The following AOAH variants were observed in gnomAD, a reference collection of about 807,000 sequenced individuals.
AOAH encodes the protein acyloxyacyl hydrolase, also known as acyloxyacyl hydrolase (neutrophil).
A neutral mutation model predicts 92.2 loss-of-function variants in AOAH; 64 were observed. That is an observed-to-expected ratio of 0.69 (90% confidence interval 0.57 to 0.86). The LOEUF is 0.86. Among genes scored for constraint, AOAH ranks in the 40% least tolerant of loss-of-function variants. AOAH has a pLI of 0.00. For missense variants in AOAH, 656 were observed against 694.6 expected, an observed-to-expected ratio of 0.94 and a Z score of 0.62; for synonymous variants, 263 against 254.5, an observed-to-expected ratio of 1.03 and a Z score of -0.32.
Position 36,659,258 on chromosome 7 carries a change from C to T in AOAH, c.298G>A (p.Ala100Thr), listed in dbSNP as rs760821326. Residue 100 changes from alanine (A) to threonine (T), a missense_variant, in exon 4 of 21, where the codon GCA becomes ACA. Physicochemically the swap from Ala to Thr is moderately conservative, Grantham distance 58. Transcript: ENST00000617537. ...FGSDIIKLLS[A>T]DMNADVVCHT... ...CATACCACATCAGCATTCATATCTGCGCTAAGCCTGGAGGGAAACGGTGCA... is the reference window on the plus strand; with the variant it reads ...CATACCACATCAGCATTCATATCTGTGCTAAGCCTGGAGGGAAACGGTGCA... The T allele has an allele frequency of 5.6e-6, 9 of 1,613,850 alleles. No individual in the cohort carries two copies. The highest frequency in any genetic ancestry group is 6.8e-6 in the Non-Finnish European group (8 of 1,179,758).
At chr7:36,528,122 G>T (rs1359900257) in intron 19 of AOAH, among the ~76,000 whole-genome samples, 1 of 150,330 alleles carries the variant, frequency 6.7e-6, no homozygotes, top group African/African-American at 2.5e-5. Flanking sequence ...CTTCCCTAGT[G>T]GGGTGCCCAC....
chr7:36,681,990 A>G (rs1455295102), intron 2 of AOAH, among the ~76,000 whole-genome samples: 1 of 152,238 alleles, frequency 6.6e-6, no homozygotes, highest in East Asian at 1.9e-4. Context: ...GAAGCAATGG[A>G]TGACAGATAA....
chr7:36,679,006 AAG>A (rs1439629638), intron 2 of AOAH, among the ~76,000 whole-genome samples: 2 of 152,210 alleles, frequency 1.3e-5, no homozygotes, highest in Non-Finnish European at 2.9e-5. Context: ...TACAGATTAA[AAG>A]AGACTTGGAA....
At chr7:36,710,063 G>A (rs1235032155) in intron 1 of AOAH, among the ~76,000 whole-genome samples, 1 of 152,114 alleles carries the variant, frequency 6.6e-6, no homozygotes, top group East Asian at 1.9e-4. Flanking sequence ...TCTATGTGTG[G>A]TAGGTAGAAT....
chr7:36,627,554 A>C (rs1447383383), intron 6 of AOAH, among the ~76,000 whole-genome samples: 2 of 151,296 alleles, frequency 1.3e-5, no homozygotes, highest in Non-Finnish European at 2.9e-5. Context: ...TCAAAAAAAA[A>C]ACAAAACAAA....
intron 16 of AOAH, among the ~76,000 whole-genome samples, chr7:36,539,017 C>T (rs141807278): frequency 1.2e-4 from 19 of 152,180 alleles, no homozygotes; most frequent in African/African-American, 3.4e-4. Flanking sequence ...TGGGGAGAGG[C>T]GGAATTTCCT....
intron 7 of AOAH, among the ~76,000 whole-genome samples, chr7:36,622,410 A>C (rs1792347944): frequency 6.6e-6 from 1 of 152,236 alleles, no homozygotes; most frequent in Admixed American, 6.5e-5. Flanking sequence ...GATGTGAATC[A>C]AGAGTTATAA....
intron 4 of AOAH, among the ~76,000 whole-genome samples, chr7:36,641,119 C>G (rs937435316): frequency 6.6e-6 from 1 of 152,140 alleles, no homozygotes; most frequent in Non-Finnish European, 1.5e-5. Flanking sequence ...CGCAGTCCAC[C>G]CAGAGGTCAA....
chr7:36,689,156 A>T (rs1797232227), intron 1 of AOAH, among the ~76,000 whole-genome samples: 1 of 152,084 alleles, frequency 6.6e-6, no homozygotes, highest in Non-Finnish European at 1.5e-5. Flanking sequence ...TCTCTGTTCC[A>T]GTCTCCACTT....
At chr7:36,681,114 C>T (rs1796617120) in intron 2 of AOAH, among the ~76,000 whole-genome samples, 1 of 152,172 alleles carries the variant, frequency 6.6e-6, no homozygotes, top group Admixed American at 6.5e-5. Flanking sequence ...GTTATACCTG[C>T]CAATGCTGTC....
intron 13 of AOAH, among the ~76,000 whole-genome samples, chr7:36,574,426 A>G (rs572385758): frequency 3.3e-5 from 5 of 152,346 alleles, no homozygotes; most frequent in African/African-American, 1.2e-4. Flanking sequence ...CAAAAGGACA[A>G]CCATTTACTA....
At chr7:36,561,307 G>C (rs1266409716) in intron 13 of AOAH, among the ~76,000 whole-genome samples, 4 of 152,302 alleles carry the variant, frequency 2.6e-5, no homozygotes, top group Admixed American at 2.6e-4. Context: ...CTCCCAAAGT[G>C]CTGGGATTAC....
intron 11 of AOAH, among the ~76,000 whole-genome samples, chr7:36,608,635 A>G (rs1791172373): frequency 6.6e-6 from 1 of 152,138 alleles, no homozygotes; most frequent in Admixed American, 6.5e-5. Context: ...CAGGATTTGA[A>G]CACTGGTCTG....
Position 36,632,114 on chromosome 7 carries a change from GAAAAAA to G in AOAH, c.451-14_451-9del, listed in dbSNP as rs3832509. On this transcript the variant is annotated splice_polypyrimidine_tract_variant and intron_variant, in intron 5 of 20. Transcript: ENST00000617537. Reference sequence around the variant, plus strand: ...ACCACTTCTAGAATATTTCTGGGGAGAAAAAAAAAAACAAAAAGAGAGTTGTTTAGT... The same window carrying G: ...ACCACTTCTAGAATATTTCTGGGGAGAAAAACAAAAAGAGAGTTGTTTAGT... The G allele has an allele frequency of 7.7e-7, 1 of 1,302,388 alleles. No individual in the cohort carries two copies. The allele number at this position is 1,302,388 out of a possible 1,614,324, so 80.7% of individuals were successfully genotyped here. A position where few individuals can be genotyped will look rare whatever the true frequency, so the allele number is the denominator to read the frequency against.
chr7:36,630,301 C>CCTAA (rs1792983351), intron 6 of AOAH, among the ~76,000 whole-genome samples: 1 of 152,348 alleles, frequency 6.6e-6, no homozygotes, highest in African/African-American at 2.4e-5. Flanking sequence ...AGGTGTGCAG[C>CCTAA]CTAACTCTCA....
chr7:36,543,572 C>T lies in AOAH; in HGVS notation c.1134-3081G>A, dbSNP rs141842196. Among the ~76,000 whole-genome samples, 270 of 150,736 alleles carry T rather than the reference C, an allele frequency of 1.8e-3. 1 individual carries two copies. The highest frequency in any genetic ancestry group is 6.5e-3 in the African/African-American group (265 of 40,884). On this transcript the variant is annotated intron_variant, in intron 15 of 20. Transcript: ENST00000617537. ...GATGGACAAAGTCTCCCCAAATCCA[C>T]ACTGAATAATTTTTTTTTTCGGTTA...
intron 2 of AOAH, among the ~76,000 whole-genome samples, chr7:36,683,866 C>G (rs745590090): frequency 1.4e-4 from 21 of 152,012 alleles, no homozygotes; most frequent in Admixed American, 3.3e-4. Context: ...CGGTGGTGGG[C>G]TCCAGTAATC....
At chr7:36,683,248 T>C (rs2116741213) in intron 2 of AOAH, among the ~76,000 whole-genome samples, 1 of 152,328 alleles carries the variant, frequency 6.6e-6, no homozygotes, top group African/African-American at 2.4e-5. Context: ...CAGCCTGTTA[T>C]CAACATGCAA....
chr7:36,571,769 T>G (rs536475924), intron 13 of AOAH, among the ~76,000 whole-genome samples: 1 of 152,302 alleles, frequency 6.6e-6, no homozygotes, highest in Admixed American at 6.5e-5. Flanking sequence ...TATCCAACCC[T>G]AGAGCCCTTC....
Sources: gnomAD v4.1 joint callset for allele counts (sites outside exome capture counted in the v4.1 genomes callset) on GRCh38, gnomAD v4.1.1 for gene constraint, MANE v1.5 for transcripts, NCBI Gene and HGNC (gene_info 2026-07-23, HGNC 2026-07-21) for gene names.